Variants in NOX5 observed in about 807,000 individuals in gnomAD.
NOX5 encodes NADPH oxidase, EF-hand calcium binding domain 5.
A neutral mutation model predicts 85.7 loss-of-function variants in NOX5; 76 were observed. The observed-to-expected ratio is 0.89, with a 90% CI of 0.74 to 1.07. The LOEUF (loss-of-function observed/expected upper bound fraction) is 1.07. NOX5 is among the 50% of genes least tolerant of loss of function. The pLI is 0.00. For missense variants in NOX5, 973 were observed against 999.5 expected (o/e 0.97, Z 0.36); for synonymous variants, 405 against 401.4 (o/e 1.01, Z -0.11).
chr15:69,025,938 T>A lies in NOX5; in HGVS notation c.51-590T>A, dbSNP rs546774646. ...ACCTGAGGGCTGAATCCTGGCTTGATCCATCTTGTATCACAAGCATTTAAG... is the reference window on the plus strand; with the variant it reads ...ACCTGAGGGCTGAATCCTGGCTTGAACCATCTTGTATCACAAGCATTTAAG... On this transcript the variant is annotated intron_variant, in intron 1 of 15. Coordinates refer to ENST00000388866, the MANE Select transcript of NOX5 (RefSeq NM_024505.4). Among the ~76,000 whole-genome samples the A allele has an allele frequency of 5.3e-5, 8 of 152,286 alleles. No homozygotes were observed. The South Asian group carries it at 1.2e-3, about 24-fold the overall frequency.
At chr15:69,039,663 G>A (rs2140268241) in intron 9 of NOX5, among the ~76,000 whole-genome samples, 1 of 152,256 alleles carries the variant, frequency 6.6e-6, no homozygotes, top group Middle Eastern at 3.4e-3. Flanking sequence ...CTGGACTTGG[G>A]CCTTATAGAG....
intron 15 of NOX5, among the ~76,000 whole-genome samples, chr15:69,055,770 A>G (rs989173324): frequency 2.6e-5 from 4 of 152,208 alleles, no homozygotes; most frequent in African/African-American, 7.2e-5. Flanking sequence ...TTGACTCCCT[A>G]TGGACCAGTG....
intron 10 of NOX5, chr15:69,043,465 A>G (rs1168327439): frequency 6.6e-6 from 1 of 152,214 alleles, no homozygotes; most frequent in Non-Finnish European, 1.5e-5. Flanking sequence ...ACAGGTTAAC[A>G]TATGAAAACC....
chr15:69,034,596 C>T (rs2050487499), intron 5 of NOX5, among the ~76,000 whole-genome samples: 1 of 152,320 alleles, frequency 6.6e-6, no homozygotes, highest in East Asian at 1.9e-4. Context: ...CCTTGGCAAA[C>T]ATAAATATAC....
intron 1 of NOX5, among the ~76,000 whole-genome samples, chr15:69,015,312 T>G (rs374991644): frequency 6.6e-6 from 1 of 152,220 alleles, no homozygotes; most frequent in East Asian, 1.9e-4. Context: ...TGTCCCAGTC[T>G]CTTCTCAGCC....
chr15:69,024,475 C>T (rs1450386697), intron 1 of NOX5, among the ~76,000 whole-genome samples: 2 of 152,094 alleles, frequency 1.3e-5, no homozygotes, highest in South Asian at 2.1e-4. Flanking sequence ...ACACTATACA[C>T]GCTGCCCATC....
intron 10 of NOX5, among the ~76,000 whole-genome samples, chr15:69,045,499 T>TCCCTCTCC (rs2050650411): frequency 7.7e-6 from 1 of 130,048 alleles, no homozygotes; most frequent in Non-Finnish European, 1.6e-5. Flanking sequence ...CCTCCCTCCC[T>TCCCTCTCC]CCCTCTCCCT....
At chr15:69,032,910 G>A in intron 4 of NOX5, 133 bp from the exon 5 acceptor site, 1 of 1,272,954 alleles carries the variant, frequency 7.9e-7, no homozygotes, top group Non-Finnish European at 1.1e-6. Context: ...TGACCTCTCT[G>A]TTTCCTGGTG....
chr15:69,052,700 A>G (rs1246266468), intron 14 of NOX5, among the ~76,000 whole-genome samples: 1 of 152,264 alleles, frequency 6.6e-6, no homozygotes, highest in Non-Finnish European at 1.5e-5. Context: ...TATAACAAAC[A>G]TTCAGAGCCT....
rs1305011221 is a variant in NOX5 at position 69,037,023 on chromosome 15, C to T, written c.1189-5C>T. On this transcript the variant is annotated splice_polypyrimidine_tract_variant and splice_region_variant and intron_variant, in intron 7 of 15. Transcript: ENST00000388866. ...GGAAGTTGACTGCCCCCCCTACCCCCATAGGTGTTCTATTGGACTCACCTG... is the reference window on the plus strand; with the variant it reads ...GGAAGTTGACTGCCCCCCCTACCCCTATAGGTGTTCTATTGGACTCACCTG... 2 of 1,613,132 alleles carry T rather than the reference C, an allele frequency of 1.2e-6. No individual in the cohort carries two copies. Among genetic ancestry groups the T allele is most frequent in the East Asian group, 2.2e-5 (1 of 44,882 alleles).
rs375359043 is a variant in NOX5, at chr15:69,035,773, C to G, written c.1025C>G (p.Ala342Gly). 1 of 1,613,926 alleles carries G rather than the reference C, an allele frequency of 6.2e-7. No homozygotes were observed. The highest frequency in any genetic ancestry group is 8.5e-7 in the Non-Finnish European group (1 of 1,179,990). Reference sequence around the variant, plus strand: ...TTGTTTCCAGTACTCCAGGCTCAGGCGGAGGCCAGCCCTTTCCAGTTCTGG... The same window carrying G: ...TTGTTTCCAGTACTCCAGGCTCAGGGGGAGGCCAGCCCTTTCCAGTTCTGG... ...HTVNFVLQAQAEASPFQFWEL... is the reference protein window; with the variant it reads ...HTVNFVLQAQGEASPFQFWEL... Residue 342 changes from alanine to glycine, a missense_variant, in exon 7 of 16, where the codon GCG becomes GGG. Coordinates refer to ENST00000388866, the MANE Select transcript of NOX5 (RefSeq NM_024505.4).
At chr15:69,024,734 G>C (rs1020220882) in intron 1 of NOX5, among the ~76,000 whole-genome samples, 1 of 151,932 alleles carries the variant, frequency 6.6e-6, no homozygotes, top group African/African-American at 2.4e-5. Flanking sequence ...GTCTATATAG[G>C]GTTTGCTACT....
chr15:69,048,313 A>C (rs553605849), intron 13 of NOX5, among the ~76,000 whole-genome samples: 1 of 152,314 alleles, frequency 6.6e-6, no homozygotes, highest in South Asian at 2.1e-4. Flanking sequence ...CAGGCAGATC[A>C]CTTGAGCCCA....
At chr15:69,047,108 G>A (rs2050683450) in intron 11 of NOX5, 1 of 580,840 alleles carries the variant, frequency 1.7e-6, no homozygotes, top group Non-Finnish European at 3.0e-6. Context: ...GGTGTACAGT[G>A]TATAGGCCTA....
intron 14 of NOX5, 102 bp downstream of exon 14, chr15:69,049,160 G>T: frequency 1.6e-6 from 1 of 618,778 alleles, no homozygotes; most frequent in Non-Finnish European, 2.6e-6. Context: ...AACCTAAAAT[G>T]AACCATTTAA....
chr15:69,053,073 C>T lies in NOX5; in HGVS notation c.2000-2261C>T, dbSNP rs1407785891. On this transcript the variant is annotated intron_variant, in intron 14 of 15. Transcript: ENST00000388866. ...TTCTTTCAGGGTTTCTCATTAACTG[C>T]AGCTGAAACTTGTGGCTTCTGATTT... 2.0e-5 allele frequency among the ~76,000 whole-genome samples: 3 copies of T among 152,236 alleles called. No individual in the cohort carries two copies. The East Asian group carries it at 5.8e-4, about 29-fold the overall frequency.
rs745458933 is a variant in NOX5 at position 69,035,448 on chromosome 15, T to C, written c.950T>C (p.Met317Thr). ...CAGAACATCCAGTTCCACCAGCTTA[T>C]GGGCTACGTGGTAGTGGGGCTGTCC... is the stretch of plus-strand genomic sequence containing the variant. Reference protein sequence around the residue: ...LDQNIQFHQLMGYVVVGLSLV... With the variant: ...LDQNIQFHQLTGYVVVGLSLV... The change falls in exon 6 of 16, where the codon ATG (methionine) becomes ACG (threonine). Residue 317 changes from methionine (M) to threonine (T), a missense_variant. Physicochemically the swap from Met to Thr is moderately conservative, Grantham distance 81 (BLOSUM62 -1). Transcript: ENST00000388866. 15 of 1,614,138 alleles carry C rather than the reference T, an allele frequency of 9.3e-6. No individual in the cohort carries two copies. Among genetic ancestry groups the C allele is most frequent in the Admixed American group, 1.7e-5 (1 of 60,022 alleles).
At position 69,047,687 on chromosome 15, in the gene NOX5, C is replaced by T. The variant is rs2050693176; in HGVS notation, c.1818-143C>T. The T allele has an allele frequency of 1.4e-5, 18 of 1,327,258 alleles. No homozygotes were observed. The South Asian group carries it at 2.2e-4, about 17-fold the overall frequency. The allele number at this position is 1,327,258 out of a possible 1,614,324, so 82.2% of individuals were successfully genotyped here. ...CTTTCCTCTCCTGCTCTGCCCCCCT[C>T]TCCTTTTTGTGTCTCATCCCTCCCC... On this transcript the variant is annotated intron_variant, in intron 12 of 15. Coordinates refer to ENST00000388866, the MANE Select transcript of NOX5 (RefSeq NM_024505.4).
chr15:69,017,199 T>C (rs945918400), intron 1 of NOX5, among the ~76,000 whole-genome samples: 1 of 152,114 alleles, frequency 6.6e-6, no homozygotes, highest in African/African-American at 2.4e-5. Context: ...TCACCCAGGC[T>C]GGAGTGCAGT....
Sources: allele counts gnomAD v4.1 joint callset (sites outside exome capture counted in the v4.1 genomes callset), GRCh38; gene constraint gnomAD v4.1.1; transcripts MANE v1.5; gene names NCBI Gene and HGNC (gene_info 2026-07-23, HGNC 2026-07-21).